Variants in SGCD observed in about 807,000 individuals in gnomAD.
SGCD encodes the protein sarcoglycan delta.
In SGCD, 18 loss-of-function variants were observed where a neutral mutation model predicts 36.6. The observed-to-expected ratio is 0.49, with a 90% confidence interval of 0.34 to 0.73. The LOEUF (loss-of-function observed/expected upper bound fraction) is 0.73. SGCD is among the 30% of genes least tolerant of loss of function. The probability of loss-of-function intolerance (pLI) is 0.01; values close to 1 mark genes in which losing one functional copy is unlikely to be tolerated. For missense variants in SGCD, 387 were observed against 346.7 expected, an observed-to-expected ratio of 1.12 and a Z score of -0.92; for synonymous variants, 133 against 130.6, an observed-to-expected ratio of 1.02 and a Z score of -0.12.
At chr5:156,150,622 C>T (rs113397912) in intron 3 of SGCD, among the ~76,000 whole-genome samples, 18 of 151,706 alleles carry the variant, frequency 1.2e-4, no homozygotes, top group African/African-American at 3.2e-4. Flanking sequence ...CTGTGATAAG[C>T]GTGGAATGTT....
chr5:155,977,421 AT>A (rs1758139284), intron 1 of SGCD, among the ~76,000 whole-genome samples: 1 of 152,210 alleles, frequency 6.6e-6, no homozygotes, highest in African/African-American at 2.4e-5. Flanking sequence ...AAACTCCATA[AT>A]ACTGGCCCTA....
intron 1 of SGCD, among the ~76,000 whole-genome samples, chr5:156,115,778 TACAG>T (rs1234311487): frequency 6.6e-6 from 1 of 152,130 alleles, no homozygotes; most frequent in Non-Finnish European, 1.5e-5. Flanking sequence ...TTATTTGTCC[TACAG>T]ACAGTCTCAC....
the SGCD span, among the ~76,000 whole-genome samples, chr5:155,745,577 G>A: frequency 6.6e-6 from 1 of 151,490 alleles, no homozygotes; most frequent in Non-Finnish European, 1.5e-5. Flanking sequence ...CAAAAGACAT[G>A]TAAAGTAAGA....
intron 1 of SGCD, among the ~76,000 whole-genome samples, chr5:156,030,129 T>A (rs1032958220): frequency 2.6e-5 from 4 of 152,216 alleles, no homozygotes; most frequent in African/African-American, 9.6e-5. Context: ...AAAATAGGAA[T>A]GAGCTAGAGT....
chr5:155,946,771 A>T (rs546797576), intron 1 of SGCD, among the ~76,000 whole-genome samples: 160 of 152,322 alleles, frequency 1.1e-3, no homozygotes, highest in African/African-American at 3.7e-3. Context: ...AACCAGCTGG[A>T]TCACTGAGAC....
At chr5:156,540,134 T>C (rs1758293534) in intron 4 of SGCD, among the ~76,000 whole-genome samples, 1 of 152,190 alleles carries the variant, frequency 6.6e-6, no homozygotes. Context: ...GACTTCTAAC[T>C]GTAAAGGCCT....
upstream of SGCD, among the ~76,000 whole-genome samples, chr5:156,324,639 C>T (rs77319915): frequency 9.9e-5 from 15 of 152,024 alleles, no homozygotes; most frequent in African/African-American, 2.9e-4. Flanking sequence ...GGCAGGGTCT[C>T]GTGAATCATA....
At chr5:156,289,849 A>G (rs1202767062) in intron 3 of SGCD, among the ~76,000 whole-genome samples, 1 of 151,902 alleles carries the variant, frequency 6.6e-6, no homozygotes, top group East Asian at 1.9e-4. Context: ...TTCTCTGAGA[A>G]CCTACTGTAT....
At chr5:156,553,924 T>G (rs1218655089) in intron 4 of SGCD, among the ~76,000 whole-genome samples, 1 of 152,246 alleles carries the variant, frequency 6.6e-6, no homozygotes, top group Non-Finnish European at 1.5e-5. Context: ...AAGATTTGTG[T>G]ACACATTTTT....
intron 3 of SGCD, among the ~76,000 whole-genome samples, chr5:156,446,072 A>G (rs1484596765): frequency 2.0e-5 from 3 of 152,130 alleles, no homozygotes; most frequent in African/African-American, 7.2e-5. Flanking sequence ...AGTGCCTGGC[A>G]TGTGGTTGGT....
chr5:156,567,896 A>G (rs1759562707), intron 4 of SGCD, among the ~76,000 whole-genome samples: 1 of 152,236 alleles, frequency 6.6e-6, no homozygotes. Flanking sequence ...CATGTCAACA[A>G]CAGTGGCTAA....
chr5:156,653,492 G>GATTTTTTTTTTTTTTTTTTTTTT (rs1561839559), intron 7 of SGCD, among the ~76,000 whole-genome samples: 1 of 5,836 alleles, frequency 1.7e-4, no homozygotes. Flanking sequence ...TCTAAAGCTT[G>GATTTTTTTTTTTTTTTTTTTTTT]CTTTTTTTTT....
At chr5:156,524,830 T>C (rs1329257526) in intron 4 of SGCD, among the ~76,000 whole-genome samples, 3 of 152,116 alleles carry the variant, frequency 2.0e-5, no homozygotes, top group Non-Finnish European at 4.4e-5. Flanking sequence ...AGTGAGACTA[T>C]GCAGTATTTG....
chr5:156,508,473 A>G (rs757560209), intron 3 of SGCD, 128 bp from the exon 4 acceptor site: 10 of 627,796 alleles, frequency 1.6e-5, no homozygotes, highest in Non-Finnish European at 2.8e-5. Context: ...TTTTTTGAAT[A>G]CCCGTCCTCA....
chr5:156,105,975 G>C (rs1231957549), intron 1 of SGCD, among the ~76,000 whole-genome samples: 1 of 151,800 alleles, frequency 6.6e-6, no homozygotes, highest in Non-Finnish European at 1.5e-5. Flanking sequence ...GCTGGGTGTG[G>C]TGACAAGCGC....
intron 7 of SGCD, among the ~76,000 whole-genome samples, chr5:156,699,931 G>C (rs32087): frequency 2.0e-5 from 3 of 152,168 alleles, no homozygotes; most frequent in African/African-American, 7.2e-5. Flanking sequence ...GCATTTAAGA[G>C]AAGTAGTAGC....
chr5:155,906,073 C>T, intron 1 of SGCD, among the ~76,000 whole-genome samples: 1 of 152,118 alleles, frequency 6.6e-6, no homozygotes, highest in Non-Finnish European at 1.5e-5. Flanking sequence ...TGGTAATTGT[C>T]ACTATCCTTC....
the SGCD span, among the ~76,000 whole-genome samples, chr5:155,799,880 G>A: frequency 7.8e-6 from 1 of 128,606 alleles, no homozygotes; most frequent in Admixed American, 8.9e-5. Context: ...GTGCACTGGT[G>A]TGATCTTGGT....
At chr5:156,705,830 G>A (rs1004283857) in intron 7 of SGCD, among the ~76,000 whole-genome samples, 1 of 152,044 alleles carries the variant, frequency 6.6e-6, no homozygotes, top group Non-Finnish European at 1.5e-5. Context: ...TTCAGAGAAC[G>A]CTAATATTTG....
Sources: gnomAD v4.1 joint callset for allele counts (sites outside exome capture counted in the v4.1 genomes callset) on GRCh38, gnomAD v4.1.1 for gene constraint, MANE v1.5 for transcripts, NCBI Gene and HGNC (gene_info 2026-07-23, HGNC 2026-07-21) for gene names.